The following CTNND2 variants were observed in gnomAD, a reference collection of about 807,000 sequenced individuals.
CTNND2 encodes catenin delta 2.
CTNND2 carries 22 observed loss-of-function variants against 144.4 expected under a neutral mutation model. The ratio of observed to expected loss-of-function variants is 0.15; its 90% CI spans 0.11 to 0.22. The LOEUF is 0.22. Among genes scored for constraint, CTNND2 ranks in the 10% least tolerant of loss-of-function variants. The probability of loss-of-function intolerance (pLI) is 1.00; values close to 1 mark genes in which losing one functional copy is unlikely to be tolerated. For missense variants in CTNND2, 1,353 were observed against 1,618.8 expected, an observed-to-expected ratio of 0.84 and a Z score of 2.82; for synonymous variants, 751 against 695.6, an observed-to-expected ratio of 1.08 and a Z score of -1.25.
intron 10 of CTNND2, among the ~76,000 whole-genome samples, chr5:11,227,750 A>T (rs1740514254): frequency 1.3e-5 from 2 of 152,206 alleles, no homozygotes; most frequent in Non-Finnish European, 2.9e-5. Context: ...TATGTTCCAT[A>T]CTTAAAGGTA....
At chr5:11,069,185 G>A (rs887536474) in intron 16 of CTNND2, among the ~76,000 whole-genome samples, 8 of 152,228 alleles carry the variant, frequency 5.3e-5, no homozygotes, top group Non-Finnish European at 8.8e-5. Context: ...GGTTAGAGGA[G>A]GAGATGACAC....
intron 3 of CTNND2, among the ~76,000 whole-genome samples, chr5:11,509,392 T>C (rs1160684414): frequency 2.0e-5 from 3 of 152,182 alleles, no homozygotes; most frequent in Non-Finnish European, 4.4e-5. Flanking sequence ...CCATAGGATG[T>C]TTTATAATGT....
intron 1 of CTNND2, among the ~76,000 whole-genome samples, chr5:11,816,215 G>A (rs536214595): frequency 3.3e-5 from 5 of 152,296 alleles, no homozygotes; most frequent in Non-Finnish European, 5.9e-5. Context: ...AATAGATTAC[G>A]TAAGCTCCTT....
intron 2 of CTNND2, among the ~76,000 whole-genome samples, chr5:11,631,162 T>G (rs1010183039): frequency 6.6e-6 from 1 of 152,198 alleles, no homozygotes; most frequent in Non-Finnish European, 1.5e-5. Flanking sequence ...CATTAAGATA[T>G]TCTCCAATAT....
At chr5:11,774,908 T>C (rs1790166024) in intron 1 of CTNND2, among the ~76,000 whole-genome samples, 2 of 152,158 alleles carry the variant, frequency 1.3e-5, no homozygotes, top group African/African-American at 2.4e-5. Context: ...TCTAACTACA[T>C]ACAACACCGT....
At chr5:11,805,918 G>C (rs190861909) in intron 1 of CTNND2, among the ~76,000 whole-genome samples, 1 of 152,252 alleles carries the variant, frequency 6.6e-6, no homozygotes, top group Non-Finnish European at 1.5e-5. Context: ...AGCTAAGTGA[G>C]CAAGGTCAAC....
intron 3 of CTNND2, among the ~76,000 whole-genome samples, chr5:11,436,269 T>C (rs1763765212): frequency 6.6e-6 from 1 of 152,078 alleles, no homozygotes; most frequent in African/African-American, 2.4e-5. Context: ...TTGAATTTTA[T>C]ACCTGAAGAG....
chr5:11,289,642 C>T (rs1177853591), intron 9 of CTNND2, among the ~76,000 whole-genome samples: 1 of 152,144 alleles, frequency 6.6e-6, no homozygotes, highest in Non-Finnish European at 1.5e-5. Context: ...ATCAAACAGA[C>T]AACAACAGCA....
chr5:11,225,697 T>A (rs1740258895), intron 10 of CTNND2, among the ~76,000 whole-genome samples: 1 of 152,172 alleles, frequency 6.6e-6, no homozygotes, highest in African/African-American at 2.4e-5. Flanking sequence ...ACCTGTCTGA[T>A]CTCACCTCCT....
chr5:11,728,777 A>G lies in CTNND2; in HGVS notation c.174+3359T>C, dbSNP rs115117992. Among the ~76,000 whole-genome samples, 1,252 of 152,264 alleles carry G rather than the reference A, an allele frequency of 8.2e-3. 19 individuals are homozygous for G. Among genetic ancestry groups the G allele is most frequent in the African/African-American group, 0.029 (1,207 of 41,564 alleles). ...TGGGGTTTGATAATATATTGACTAA[A>G]GAGTTTCCTGAAATTTTCATCTATA... On this transcript the variant is annotated intron_variant, in intron 2 of 21. Transcript: ENST00000304623.
chr5:11,818,519 C>A (rs998825163), intron 1 of CTNND2, among the ~76,000 whole-genome samples: 6 of 152,154 alleles, frequency 3.9e-5, no homozygotes, highest in Non-Finnish European at 2.9e-5. Context: ...CAGCTGCCAC[C>A]ACCATGCCCA....
intron 1 of CTNND2, among the ~76,000 whole-genome samples, chr5:11,844,605 C>G (rs1040353686): frequency 6.6e-6 from 1 of 151,988 alleles, no homozygotes; most frequent in Non-Finnish European, 1.5e-5. Context: ...CACAGAAGTT[C>G]TGGCATATCC....
At chr5:11,069,200 CTACTT>C (rs1428293806) in intron 16 of CTNND2, among the ~76,000 whole-genome samples, 1 of 152,208 alleles carries the variant, frequency 6.6e-6, no homozygotes, top group Non-Finnish European at 1.5e-5. Context: ...TGACACTACT[CTACTT>C]GAGTCATCAT....
intron 3 of CTNND2, among the ~76,000 whole-genome samples, chr5:11,469,032 T>A (rs1766922284): frequency 6.6e-6 from 1 of 152,146 alleles, no homozygotes; most frequent in Admixed American, 6.5e-5. Context: ...GGGTTTCTCA[T>A]GGGAGAACGT....
intron 16 of CTNND2, among the ~76,000 whole-genome samples, chr5:11,035,006 A>G (rs988776728): frequency 7.6e-5 from 11 of 145,340 alleles, no homozygotes; most frequent in Admixed American, 4.8e-4. Flanking sequence ...ATATCTCCCA[A>G]TGCTATCCCT....
At chr5:11,049,444 C>G (rs967266858) in intron 16 of CTNND2, among the ~76,000 whole-genome samples, 2 of 152,196 alleles carry the variant, frequency 1.3e-5, no homozygotes, top group East Asian at 3.9e-4. Flanking sequence ...AGACAGTACA[C>G]TAACTTTCAA....
intron 14 of CTNND2, among the ~76,000 whole-genome samples, chr5:11,100,712 T>A (rs769691971): frequency 5.9e-5 from 9 of 152,224 alleles, no homozygotes; most frequent in Non-Finnish European, 1.3e-4. Context: ...ATTATTTTCA[T>A]ATAAAAATGG....
chr5:11,794,735 C>T (rs865904399), intron 1 of CTNND2, among the ~76,000 whole-genome samples: 3 of 152,162 alleles, frequency 2.0e-5, no homozygotes, highest in Non-Finnish European at 4.4e-5. Flanking sequence ...TTTTCTCCCA[C>T]GTATGAGTGA....
chr5:11,824,745 T>C (rs978668453), intron 1 of CTNND2, among the ~76,000 whole-genome samples: 1 of 152,102 alleles, frequency 6.6e-6, no homozygotes, highest in African/African-American at 2.4e-5. Flanking sequence ...TGTCTAACAC[T>C]GAATCATAAG....
Sources: allele counts gnomAD v4.1 joint callset (sites outside exome capture counted in the v4.1 genomes callset), GRCh38; gene constraint gnomAD v4.1.1; transcripts MANE v1.5; gene names NCBI Gene and HGNC (gene_info 2026-07-23, HGNC 2026-07-21).